The following IQCM variants were observed in gnomAD, a reference collection of about 807,000 sequenced individuals.
The protein encoded by IQCM is IQ motif containing M, also known as IQ domain-containing protein M.
IQCM carries 45 observed loss-of-function variants against 57.6 expected under a neutral mutation model. That is an observed-to-expected ratio of 0.78 (90% confidence interval 0.62 to 1.00). The LOEUF (loss-of-function observed/expected upper bound fraction) is 1.00, where lower values mean the gene tolerates loss of function less well. Ranked by LOEUF, IQCM falls within the 50% of genes least tolerant of loss-of-function variation. IQCM has a pLI of 0.00. For missense variants in IQCM, 468 were observed against 511.6 expected, an observed-to-expected ratio of 0.91 and a Z score of 0.82; for synonymous variants, 148 against 158.9, an observed-to-expected ratio of 0.93 and a Z score of 0.51.
intron 7 of IQCM, among the ~76,000 whole-genome samples, chr4:149,674,117 A>G (rs1439526769): frequency 1.3e-5 from 2 of 152,130 alleles, no homozygotes; most frequent in African/African-American, 4.8e-5. Context: ...ATTCTCAGAA[A>G]AAGATACAAT....
intron 7 of IQCM, among the ~76,000 whole-genome samples, chr4:149,654,526 C>T (rs568061625): frequency 6.6e-6 from 1 of 152,162 alleles, no homozygotes; most frequent in East Asian, 1.9e-4. Context: ...CTTCCTGAGG[C>T]CTCCCCAGAA....
intron 13 of IQCM, among the ~76,000 whole-genome samples, chr4:149,371,578 G>A (rs531219040): frequency 2.0e-5 from 3 of 152,028 alleles, no homozygotes; most frequent in African/African-American, 7.2e-5. Flanking sequence ...AGATTGTGTT[G>A]GTATCACTAG....
At chr4:149,771,228 C>T (rs17687541) in intron 2 of IQCM, among the ~76,000 whole-genome samples, 21,387 of 151,852 alleles carry the variant, frequency 0.14, 1,666 homozygotes, top group East Asian at 0.33. Flanking sequence ...TCTTAGCAAC[C>T]CCTTTTAAAT....
At chr4:149,493,026 TG>T (rs1742259953) in intron 12 of IQCM, among the ~76,000 whole-genome samples, 1 of 151,908 alleles carries the variant, frequency 6.6e-6, no homozygotes, top group African/African-American at 2.4e-5. Context: ...GAACATCAGG[TG>T]GTGGTGGGTA....
intron 8 of IQCM, among the ~76,000 whole-genome samples, chr4:149,590,286 AG>A (rs1753028262): frequency 7.2e-6 from 1 of 138,552 alleles, no homozygotes; most frequent in Non-Finnish European, 1.5e-5. Context: ...CTTTTTGAAA[AG>A]TAAATATCGC....
intron 7 of IQCM, among the ~76,000 whole-genome samples, chr4:149,654,729 G>C (rs980245797): frequency 6.6e-6 from 1 of 152,080 alleles, no homozygotes; most frequent in Non-Finnish European, 1.5e-5. Context: ...AAGTCCTTTG[G>C]AGCACAACAT....
At chr4:149,552,953 T>C (rs140586879) in intron 11 of IQCM, among the ~76,000 whole-genome samples, 190 bp downstream of exon 11, 31 of 152,256 alleles carry the variant, frequency 2.0e-4, no homozygotes, top group African/African-American at 7.2e-4. Context: ...CTAAAATGAG[T>C]TTTCTGTTAC....
chr4:149,567,247 T>C (rs1750720654), intron 9 of IQCM, among the ~76,000 whole-genome samples: 1 of 152,152 alleles, frequency 6.6e-6, no homozygotes, highest in African/African-American at 2.4e-5. Context: ...CTGTTACTTC[T>C]TTTTTACTCA....
chr4:149,509,693 G>C (rs546324669), intron 12 of IQCM, among the ~76,000 whole-genome samples: 2 of 152,060 alleles, frequency 1.3e-5, no homozygotes, highest in Non-Finnish European at 2.9e-5. Context: ...GTAAGGTATC[G>C]AGACTTCCAC....
intron 13 of IQCM, among the ~76,000 whole-genome samples, chr4:149,357,062 A>G (rs2110889762): frequency 6.6e-6 from 1 of 152,298 alleles, no homozygotes; most frequent in African/African-American, 2.4e-5. Context: ...TTATTGGTGT[A>G]AAAGAATGCT....
intron 12 of IQCM, among the ~76,000 whole-genome samples, chr4:149,543,414 T>C (rs1177129175): frequency 6.6e-6 from 1 of 152,040 alleles, no homozygotes; most frequent in Non-Finnish European, 1.5e-5. Flanking sequence ...TGTGTCCATG[T>C]GTTCTCATTG....
chr4:149,772,541 C>CA (rs144862088), intron 2 of IQCM, among the ~76,000 whole-genome samples: 18,815 of 151,412 alleles, frequency 0.12, 1,352 homozygotes, highest in Middle Eastern at 0.18. Flanking sequence ...ACTTTATAAA[C>CA]AAAAAAATAC....
chr4:149,522,672 A>C (rs1376808263), intron 12 of IQCM, among the ~76,000 whole-genome samples: 3 of 152,196 alleles, frequency 2.0e-5, no homozygotes, highest in African/African-American at 7.2e-5. Flanking sequence ...TAAGCAACAT[A>C]TCAACAGATC....
intron 12 of IQCM, among the ~76,000 whole-genome samples, chr4:149,546,662 G>A (rs556176645): frequency 1.7e-4 from 26 of 152,186 alleles, no homozygotes; most frequent in Non-Finnish European, 3.2e-4. Context: ...CTTTTTGATG[G>A]GGTTGTTTGT....
intron 12 of IQCM, among the ~76,000 whole-genome samples, chr4:149,520,992 G>A (rs1405928762): frequency 2.0e-5 from 3 of 152,106 alleles, no homozygotes; most frequent in African/African-American, 7.2e-5. Flanking sequence ...ACTACCCTGA[G>A]TTCTGTGATG....
intron 12 of IQCM, among the ~76,000 whole-genome samples, chr4:149,531,453 A>G (rs1746739088): frequency 6.6e-6 from 1 of 152,096 alleles, no homozygotes; most frequent in Admixed American, 6.6e-5. Flanking sequence ...TCCTCCCTGC[A>G]TTCTTTCCCT....
chr4:149,520,461 C>A (rs892506074), intron 12 of IQCM, among the ~76,000 whole-genome samples: 1 of 152,088 alleles, frequency 6.6e-6, no homozygotes. Flanking sequence ...TGAATTACAT[C>A]ATTAGCCTAC....
At chr4:149,484,507 C>G (rs1408354445) in intron 12 of IQCM, among the ~76,000 whole-genome samples, 1 of 151,882 alleles carries the variant, frequency 6.6e-6, no homozygotes, top group Non-Finnish European at 1.5e-5. Flanking sequence ...CATGCAAATA[C>G]TCTCTTATAA....
intron 9 of IQCM, among the ~76,000 whole-genome samples, chr4:149,577,206 C>A (rs181817188): frequency 6.6e-6 from 1 of 151,870 alleles, no homozygotes; most frequent in African/African-American, 2.4e-5. Context: ...CTGATAATTT[C>A]TTTTGTGTGC....
Sources: allele counts gnomAD v4.1 joint callset (sites outside exome capture counted in the v4.1 genomes callset), GRCh38; gene constraint gnomAD v4.1.1; transcripts MANE v1.5; gene names NCBI Gene and HGNC (gene_info 2026-07-23, HGNC 2026-07-21).